BRINP3: variants seen among roughly 807,000 people sequenced by gnomAD.
BRINP3 encodes BMP/retinoic acid inducible neural specific 3, also known as BMP/retinoic acid-inducible neural-specific protein 3.
Under a neutral mutation model 71.0 loss-of-function variants are expected in BRINP3, and 19 were observed. The ratio of observed to expected loss-of-function variants is 0.27; its 90% CI spans 0.19 to 0.39. The LOEUF is 0.39. Ranked by LOEUF, BRINP3 falls within the 10% of genes least tolerant of loss-of-function variation. The pLI is 1.00. For synonymous variants in BRINP3, 380 were observed against 337.7 expected (o/e 1.13, Z -1.37); for missense variants, 959 against 940.8 (o/e 1.02, Z -0.25).
intron 1 of BRINP3, among the ~76,000 whole-genome samples, chr1:190,455,628 A>G (rs1284558312): frequency 2.0e-5 from 3 of 152,058 alleles, no homozygotes; most frequent in Non-Finnish European, 2.9e-5. Context: ...TTATTCTGTT[A>G]GGAAAAAACT....
At chr1:190,356,190 T>C (rs1193637350) in intron 2 of BRINP3, among the ~76,000 whole-genome samples, 4 of 152,030 alleles carry the variant, frequency 2.6e-5, no homozygotes, top group Non-Finnish European at 5.9e-5. Context: ...GTACACATTA[T>C]GATTGTTTGG....
intron 2 of BRINP3, among the ~76,000 whole-genome samples, chr1:190,283,090 A>C (rs651660): frequency 0.38 from 58,299 of 151,750 alleles, 12,573 homozygotes; most frequent in Non-Finnish European, 0.49. Context: ...TATTTGACAA[A>C]CAGCCCATTT....
chr1:190,158,031 G>C (rs1033407987), intron 7 of BRINP3, among the ~76,000 whole-genome samples: 3 of 152,042 alleles, frequency 2.0e-5, no homozygotes, highest in African/African-American at 7.2e-5. Flanking sequence ...CAATTAATGT[G>C]TGTACTTATT....
At chr1:190,340,493 G>A (rs1336728617) in intron 2 of BRINP3, among the ~76,000 whole-genome samples, 2 of 151,668 alleles carry the variant, frequency 1.3e-5, no homozygotes, top group Non-Finnish European at 2.9e-5. Context: ...TGGGTCCCTG[G>A]ACTCAAGAGG....
intron 7 of BRINP3, among the ~76,000 whole-genome samples, chr1:190,148,484 T>C (rs1196734416): frequency 6.6e-6 from 1 of 151,514 alleles, no homozygotes; most frequent in Non-Finnish European, 1.5e-5. Context: ...TAGTCCCAGC[T>C]ACTAGAGAGG....
Position 190,183,273 on chromosome 1 carries a change from A to G in BRINP3, c.962-22383T>C, listed in dbSNP as rs561758042. 3.2e-3 allele frequency among the ~76,000 whole-genome samples: 487 copies of G among 152,194 alleles called. 1 individual carries two copies. Among genetic ancestry groups the G allele is most frequent in the Non-Finnish European group, 5.4e-3 (364 of 68,004 alleles). On this transcript the variant is annotated intron_variant, in intron 6 of 7. Coordinates refer to ENST00000367462, the MANE Select transcript of BRINP3 (RefSeq NM_199051.3). ...GTTGAGATGTTTTGGTATTTCATGT[A>G]AGTAATTTCAATTTAATTTTAAATT... is the stretch of plus-strand genomic sequence containing the variant.
chr1:190,291,397 A>G (rs1314985652), intron 2 of BRINP3, among the ~76,000 whole-genome samples: 1 of 152,124 alleles, frequency 6.6e-6, no homozygotes, highest in Non-Finnish European at 1.5e-5. Context: ...GAATGGGAGA[A>G]AATAAGGGGT....
At chr1:190,292,953 ATGTT>A (rs1242703689) in intron 2 of BRINP3, among the ~76,000 whole-genome samples, 2 of 151,548 alleles carry the variant, frequency 1.3e-5, no homozygotes, top group Non-Finnish European at 2.9e-5. Flanking sequence ...TACTAGATAA[ATGTT>A]TGTTCATCTT....
intron 6 of BRINP3, among the ~76,000 whole-genome samples, chr1:190,178,695 C>T (rs1652771770): frequency 6.6e-6 from 1 of 152,082 alleles, no homozygotes; most frequent in African/African-American, 2.4e-5. Context: ...ACAGCCTCTA[C>T]TCATCACTTA....
intron 6 of BRINP3, among the ~76,000 whole-genome samples, chr1:190,208,901 T>TA (rs377152744): frequency 2.0e-3 from 302 of 150,954 alleles, no homozygotes; most frequent in Non-Finnish European, 3.7e-3. Flanking sequence ...ATCTTTAAAG[T>TA]AAAAAAAAAT....
At chr1:190,458,179 C>A (rs1438699668) in intron 1 of BRINP3, among the ~76,000 whole-genome samples, 1 of 151,960 alleles carries the variant, frequency 6.6e-6, no homozygotes, top group Non-Finnish European at 1.5e-5. Flanking sequence ...ACATGTTCCC[C>A]ACTTCTGTAC....
chr1:190,349,495 G>A (rs1668234552), intron 2 of BRINP3, among the ~76,000 whole-genome samples: 2 of 152,050 alleles, frequency 1.3e-5, no homozygotes, highest in African/African-American at 4.8e-5. Flanking sequence ...GTTTCTGCCT[G>A]GGTTGACAAT....
chr1:190,192,729 T>A (rs1252933603), intron 6 of BRINP3, among the ~76,000 whole-genome samples: 2 of 152,032 alleles, frequency 1.3e-5, no homozygotes, highest in Non-Finnish European at 2.9e-5. Flanking sequence ...AATATTAAAC[T>A]GTGACAACAG....
chr1:190,282,580 A>G (rs1424251283), intron 2 of BRINP3, among the ~76,000 whole-genome samples: 1 of 152,010 alleles, frequency 6.6e-6, no homozygotes, highest in African/African-American at 2.4e-5. Flanking sequence ...TCATATTTAT[A>G]AAATAATCAA....
chr1:190,301,150 CATACATATATATATACATATAT>C (rs1368005962), intron 2 of BRINP3, among the ~76,000 whole-genome samples: 3 of 103,282 alleles, frequency 2.9e-5, no homozygotes, highest in African/African-American at 6.9e-5. Context: ...TATATACACA[CATACATATATATATACATATAT>C]ATACATATAT....
rs1669744771 is a variant in BRINP3, at chr1:190,369,811, T to C, written c.236+84844A>G. 2.6e-5 allele frequency among the ~76,000 whole-genome samples: 4 copies of C among 152,282 alleles called. No homozygotes were observed. In the South Asian group the frequency reaches 8.3e-4, roughly 32 times the overall value. On this transcript the variant is annotated intron_variant, in intron 2 of 7. Transcript: ENST00000367462. ...CATAATGGTCAGATCTAAATTTCAA[T>C]GTAATGCTTCATAATGTTAAATATA...
chr1:190,421,265 A>C (rs1673358601), intron 2 of BRINP3, among the ~76,000 whole-genome samples: 1 of 149,580 alleles, frequency 6.7e-6, no homozygotes. Flanking sequence ...CACAGATAAT[A>C]GTGAAGGACA....
At chr1:190,270,546 G>A (rs150242800) in intron 3 of BRINP3, among the ~76,000 whole-genome samples, 1 of 151,784 alleles carries the variant, frequency 6.6e-6, no homozygotes, top group East Asian at 1.9e-4. Flanking sequence ...TGGTGCATGA[G>A]CAGCATACTC....
intron 6 of BRINP3, among the ~76,000 whole-genome samples, chr1:190,204,451 GAA>G (rs67777227): frequency 0.59 from 89,684 of 151,278 alleles, 27,366 homozygotes; most frequent in African/African-American, 0.76. Flanking sequence ...AAACTAGATG[GAA>G]AAACTAGGAT....
Sources: gnomAD v4.1 joint callset for allele counts (sites outside exome capture counted in the v4.1 genomes callset) on GRCh38, gnomAD v4.1.1 for gene constraint, MANE v1.5 for transcripts, NCBI Gene and HGNC (gene_info 2026-07-23, HGNC 2026-07-21) for gene names.